Variants in HYCC2 observed in about 807,000 individuals in gnomAD.
HYCC2 encodes the protein hyccin 2.
chr2:201,029,328 G>T, the HYCC2 span, among the ~76,000 whole-genome samples: 1 of 152,158 alleles, frequency 6.6e-6, no homozygotes, highest in Non-Finnish European at 1.5e-5. Context: ...TACATTATTG[G>T]TGGGAGTGTA....
chr2:201,008,260 A>G, the HYCC2 span, among the ~76,000 whole-genome samples: 2 of 152,226 alleles, frequency 1.3e-5, no homozygotes, highest in Non-Finnish European at 2.9e-5. Flanking sequence ...TGTCTGAGGG[A>G]AAAATTTCTA....
At chr2:201,070,151 C>T in the HYCC2 span, among the ~76,000 whole-genome samples, 1 of 152,094 alleles carries the variant, frequency 6.6e-6, no homozygotes, top group African/African-American at 2.4e-5. Flanking sequence ...CCTTCCATAA[C>T]ACATACTGAA....
chr2:201,019,878 C>A, the HYCC2 span, among the ~76,000 whole-genome samples: 2 of 152,126 alleles, frequency 1.3e-5, no homozygotes, highest in African/African-American at 4.8e-5. Context: ...TCGCTTGAGC[C>A]CAGGAGTTCA....
chr2:200,988,371 T>A, the HYCC2 span: 1 of 1,613,730 alleles, frequency 6.2e-7, no homozygotes, highest in Non-Finnish European at 8.5e-7. Context: ...GGCCTTCTTG[T>A]GTAGAATCAG....
At chr2:201,050,259 CA>C in the HYCC2 span, among the ~76,000 whole-genome samples, 63 of 149,320 alleles carry the variant, frequency 4.2e-4, no homozygotes, top group African/African-American at 1.3e-3. Context: ...AAAACCATGT[CA>C]GTATAAAACG....
the HYCC2 span, among the ~76,000 whole-genome samples, chr2:201,008,615 C>CAAATAAATAAATAAATGGG: frequency 6.6e-6 from 1 of 151,924 alleles, no homozygotes; most frequent in African/African-American, 2.4e-5. Context: ...AATAAATGGG[C>CAAATAAATAAATAAATGGG]CAGGTGCAGT....
chr2:200,992,411 A>G, the HYCC2 span: 1 of 1,266,058 alleles, frequency 7.9e-7, no homozygotes, highest in Non-Finnish European at 1.2e-6. Context: ...CAAATATCTA[A>G]TCTTCAGCAC....
the HYCC2 span, among the ~76,000 whole-genome samples, chr2:201,039,031 T>A: frequency 6.6e-6 from 1 of 152,304 alleles, no homozygotes; most frequent in South Asian, 2.1e-4. Flanking sequence ...ACCTTTGGTC[T>A]TTGTACCTGA....
At chr2:201,030,077 A>G in the HYCC2 span, among the ~76,000 whole-genome samples, 1 of 152,062 alleles carries the variant, frequency 6.6e-6, no homozygotes, top group Non-Finnish European at 1.5e-5. Flanking sequence ...ACACAGTGAG[A>G]CCCCGTCTCA....
chr2:201,043,212 A>C, the HYCC2 span, among the ~76,000 whole-genome samples: 1 of 152,198 alleles, frequency 6.6e-6, no homozygotes, highest in South Asian at 2.1e-4. Context: ...TGCTTTGTTA[A>C]ACAGATGCTT....
chr2:200,982,944 G>A, the HYCC2 span, among the ~76,000 whole-genome samples: 3 of 152,070 alleles, frequency 2.0e-5, no homozygotes, highest in Non-Finnish European at 4.4e-5. Flanking sequence ...TTTTAGTAGA[G>A]ATGGGATTTC....
chr2:200,984,850 G>A, the HYCC2 span, among the ~76,000 whole-genome samples: 1 of 152,188 alleles, frequency 6.6e-6, no homozygotes, highest in African/African-American at 2.4e-5. Context: ...TAAGGAGGCT[G>A]GCTGCAGTGG....
chr2:201,000,344 A>G, the HYCC2 span, among the ~76,000 whole-genome samples: 1 of 152,016 alleles, frequency 6.6e-6, no homozygotes, highest in Non-Finnish European at 1.5e-5. Context: ...AGCCATGATC[A>G]TGCCACTGCA....
chr2:201,070,964 T>C, the HYCC2 span, among the ~76,000 whole-genome samples: 1 of 152,120 alleles, frequency 6.6e-6, no homozygotes, highest in African/African-American at 2.4e-5. Flanking sequence ...GACTACTCTA[T>C]CCTCCATGCT....
At chr2:201,051,099 T>C in the HYCC2 span, among the ~76,000 whole-genome samples, 2 of 152,010 alleles carry the variant, frequency 1.3e-5, no homozygotes, top group East Asian at 1.9e-4. Flanking sequence ...GAATACCATA[T>C]ATAAAAAGGA....
At chr2:201,009,672 C>A in the HYCC2 span, among the ~76,000 whole-genome samples, 60 of 152,154 alleles carry the variant, frequency 3.9e-4, no homozygotes, top group African/African-American at 1.2e-3. Flanking sequence ...GTTGGCCAGG[C>A]TGGTCTCAAA....
At chr2:201,037,992 A>G in the HYCC2 span, among the ~76,000 whole-genome samples, 1 of 152,240 alleles carries the variant, frequency 6.6e-6, no homozygotes, top group Non-Finnish European at 1.5e-5. Flanking sequence ...CAATCTTCCC[A>G]TCTGACAAAG....
At chr2:201,003,695 C>T in the HYCC2 span, among the ~76,000 whole-genome samples, 379 of 144,088 alleles carry the variant, frequency 2.6e-3, 3 homozygotes, top group African/African-American at 9.3e-3. Flanking sequence ...GGCGACAGAG[C>T]GAGACTCCAT....
chr2:201,038,118 T>C, the HYCC2 span, among the ~76,000 whole-genome samples: 2 of 152,206 alleles, frequency 1.3e-5, no homozygotes, highest in Admixed American at 1.3e-4. Flanking sequence ...AAGACATTTA[T>C]GCAGCCAAAA....
Sources: gnomAD v4.1 joint callset for allele counts (sites outside exome capture counted in the v4.1 genomes callset) on GRCh38, gnomAD v4.1.1 for gene constraint, MANE v1.5 for transcripts, NCBI Gene and HGNC (gene_info 2026-07-23, HGNC 2026-07-21) for gene names.